The following DGKA variants were observed in gnomAD, a reference collection of about 807,000 sequenced individuals.
DGKA encodes the protein 80 kDa diacylglycerol kinase.
In DGKA, 35 loss-of-function variants were observed where a neutral mutation model predicts 105.0. The ratio of observed to expected loss-of-function variants is 0.33; its 90% CI spans 0.25 to 0.44. The LOEUF (loss-of-function observed/expected upper bound fraction) is 0.44. Among genes scored for constraint, DGKA ranks in the 20% least tolerant of loss-of-function variants. The pLI is 1.00. For missense variants in DGKA, 665 were observed against 915.0 expected (o/e 0.73, Z 3.53); for synonymous variants, 296 against 332.0 (o/e 0.89, Z 1.18).
chr12:55,941,968 T>C, intron 15 of DGKA, 30 bp from the exon 16 acceptor site: 3 of 1,612,194 alleles, frequency 1.9e-6, no homozygotes, highest in Non-Finnish European at 2.5e-6. Context: ...CTGTTATCCT[T>C]CTTCATATTC....
chr12:55,942,548 G>C (rs1886237073), intron 17 of DGKA: 1 of 394,438 alleles, frequency 2.5e-6, no homozygotes, highest in African/African-American at 2.0e-5. Context: ...GGAATATGGG[G>C]GTGGGGAACA....
In DGKA at chr12:55,940,497, C is replaced by G; in HGVS notation, c.918+64C>G. On this transcript the variant is annotated intron_variant, in intron 11 of 23. Coordinates refer to ENST00000331886, the MANE Select transcript of DGKA (RefSeq NM_001345.5). This position sits in a 1 kb window ranked among gnomAD's most constrained non-coding sequence, Gnocchi z 4.3. ...CCGCAGAGCTGCCTTCTCCACGGGC[C>G]TCCGGCCACACCTCCTTTACAGGCA... 1.3e-6 allele frequency: 2 copies of G among 1,597,796 alleles called. No individual in the cohort carries two copies. The highest frequency in any genetic ancestry group is 1.7e-6 in the Non-Finnish European group (2 of 1,171,456).
At chr12:55,929,861 A>T (rs1334332573), upstream of DGKA, 1 of 152,222 alleles carries the variant, frequency 6.6e-6, no homozygotes, top group African/African-American at 2.4e-5. Context: ...TATTCGAGAG[A>T]TAACATTACA....
intron 7 of DGKA, 21 bp downstream of exon 7, chr12:55,939,010 T>C (rs754465796): frequency 6.2e-7 from 1 of 1,614,108 alleles, no homozygotes. Context: ...TCTTCCTTCA[T>C]GTCCCTTCTT....
chr12:55,932,410 T>A lies in DGKA; in HGVS notation c.-82+1066T>A. 1 of 618,294 alleles carries A rather than the reference T, an allele frequency of 1.6e-6. No individual in the cohort carries two copies. The highest frequency in any genetic ancestry group is 2.9e-6 in the Non-Finnish European group (1 of 339,964). The allele number at this position is 618,294 out of a possible 1,614,324, so 38.3% of individuals were successfully genotyped here. On this transcript the variant is annotated intron_variant, in intron 1 of 23. Coordinates refer to ENST00000331886, the MANE Select transcript of DGKA (RefSeq NM_001345.5). The surrounding 1 kb of genome is among the most constrained non-coding windows in gnomAD (Gnocchi z 4.3). ...TCCTGGGACCCGACTCGGAGGGAAG[T>A]CCTCTTCGGAACCTCCACAGTGCCG...
intron 1 of DGKA, chr12:55,935,743 G>A: frequency 2.9e-6 from 1 of 349,942 alleles, no homozygotes; most frequent in Non-Finnish European, 4.0e-6. Flanking sequence ...CCCGCGCCTA[G>A]TTCCCCACCC....
chr12:55,932,739 A>G lies in DGKA; in HGVS notation c.-82+1395A>G, dbSNP rs1883897685. ...CACACACACACACACACACACACAC[A>G]CAACCCCCTCAGCCAGGTGTAGCAC... On this transcript the variant is annotated intron_variant, in intron 1 of 23. Coordinates refer to ENST00000331886, the MANE Select transcript of DGKA (RefSeq NM_001345.5). The surrounding 1 kb of genome is among the most constrained non-coding windows in gnomAD (Gnocchi z 4.3). The G allele has an allele frequency of 1.7e-6, 1 of 575,828 alleles. No homozygotes were observed. The highest frequency in any genetic ancestry group is 3.0e-5 in the East Asian group (1 of 33,242). The allele number at this position is 575,828 out of a possible 1,614,324, so 35.7% of individuals were successfully genotyped here.
chr12:55,932,962 T>C lies in DGKA; in HGVS notation c.-82+1618T>C, dbSNP rs935930061. The stretch of plus-strand genomic sequence containing the variant: ...GGGCTCCTGCCCCTCTGGGGCAGCC[T>C]CAATATTCTGGAGACATAGCTATTT... On this transcript the variant is annotated intron_variant, in intron 1 of 23. Coordinates refer to ENST00000331886, the MANE Select transcript of DGKA (RefSeq NM_001345.5). This position sits in a 1 kb window ranked among gnomAD's most constrained non-coding sequence, Gnocchi z 4.3. 7.0e-5 allele frequency: 14 copies of C among 201,306 alleles called. No homozygotes were observed. The highest frequency in any genetic ancestry group is 3.0e-4 in the African/African-American group (13 of 43,336). The allele number at this position is 201,306 out of a possible 1,614,324, so 12.5% of individuals were successfully genotyped here.
Position 55,938,031 on chromosome 12 carries a change from C to A in DGKA, c.328C>A (p.Arg110=). 6.2e-7 allele frequency: 1 copy of A among 1,613,970 alleles called. No individual in the cohort carries two copies. Among genetic ancestry groups the A allele is most frequent in the Non-Finnish European group, 8.5e-7 (1 of 1,179,974 alleles). ...SCYFSLLEGG[R]PEDKLEFTFK... is the part of the protein sequence containing the mutation. ...CTACTTTTCCCTTCTGGAGGGTGGT[C>A]GGCCAGAAGACAAGTTAGAATGTGA... Residue 110 remains arginine, a synonymous_variant, in exon 5 of 24, where the codon CGG becomes AGG. Transcript: ENST00000331886.
Position 55,953,175 on chromosome 12 carries a change from A to G in DGKA, c.2063+15A>G. Reference sequence around the variant, plus strand: ...ATCACCTTCCAGTAAGGAAGACTCCACCAGGGTCCCTGAGGGAAGGTGTGG... The same window carrying G: ...ATCACCTTCCAGTAAGGAAGACTCCGCCAGGGTCCCTGAGGGAAGGTGTGG... On this transcript the variant is annotated intron_variant, in intron 22 of 23. Coordinates refer to ENST00000331886, the MANE Select transcript of DGKA (RefSeq NM_001345.5). 2 of 1,614,024 alleles carry G rather than the reference A, an allele frequency of 1.2e-6. No individual in the cohort carries two copies. Among genetic ancestry groups the G allele is most frequent in the Non-Finnish European group, 1.7e-6 (2 of 1,179,990 alleles).
Position 55,953,862 on chromosome 12 carries a change from C to T in DGKA, c.*94C>T. The T allele has an allele frequency of 1.8e-6, 2 of 1,114,312 alleles. No individual in the cohort carries two copies. The highest frequency in any genetic ancestry group is 4.0e-5 in the Admixed American group (2 of 49,646). 69.0% of individuals were successfully genotyped at this position (1,114,312 alleles called of 1,614,324 possible). Reference sequence around the variant, plus strand: ...CTCTGTACATTGCTGCCACATACTCCTGCCAGCTTGGGGGAGTGTTCCTTC... The same window carrying T: ...CTCTGTACATTGCTGCCACATACTCTTGCCAGCTTGGGGGAGTGTTCCTTC... On this transcript the variant is annotated 3_prime_UTR_variant, in exon 24 of 24. Transcript: ENST00000331886.
At chr12:55,927,395 C>A (rs1429251669), upstream of DGKA, 6 of 714,564 alleles carry the variant, frequency 8.4e-6, no homozygotes, top group Non-Finnish European at 1.5e-5. Flanking sequence ...CCTCTCATCC[C>A]CAGGAACTCC....
rs1454641375 is a variant in DGKA at position 55,940,524 on chromosome 12, A to G, written c.918+91A>G. On this transcript the variant is annotated intron_variant, in intron 11 of 23. Coordinates refer to ENST00000331886, the MANE Select transcript of DGKA (RefSeq NM_001345.5). This position sits in a 1 kb window ranked among gnomAD's most constrained non-coding sequence, Gnocchi z 4.3. Reference sequence around the variant, plus strand: ...CCGGCCACACCTCCTTTACAGGCACAGTTGCCCCTGCTCCCAAGGGCTCTT... The same window carrying G: ...CCGGCCACACCTCCTTTACAGGCACGGTTGCCCCTGCTCCCAAGGGCTCTT... 3.8e-6 allele frequency: 6 copies of G among 1,579,752 alleles called. No homozygotes were observed. Among genetic ancestry groups the G allele is most frequent in the Non-Finnish European group, 4.3e-6 (5 of 1,162,864 alleles).
chr12:55,936,530 C>T lies in DGKA; in HGVS notation c.27C>T (p.Ser9=). Residue 9 remains serine, a synonymous_variant, in exon 2 of 24, where the codon AGC becomes AGT. Coordinates refer to ENST00000331886, the MANE Select transcript of DGKA (RefSeq NM_001345.5). The part of the protein sequence containing the change: MAKERGLI[S]PSDFAQLQKY... ...TGGCCAAGGAGAGGGGCCTAATAAG[C>T]CCCAGTGATTTTGCCCAGCTGCAAA... 1 of 1,614,108 alleles carries T rather than the reference C, an allele frequency of 6.2e-7. No homozygotes were observed. The highest frequency in any genetic ancestry group is 8.5e-7 in the Non-Finnish European group (1 of 1,180,010).
upstream of DGKA, chr12:55,927,353 C>G (rs1883212481): frequency 1.4e-6 from 1 of 731,810 alleles, no homozygotes; most frequent in Admixed American, 2.0e-5. Flanking sequence ...AAACAGTCCT[C>G]AGGGAGCCAA....
chr12:55,927,887 C>T (rs1046664174), upstream of DGKA: 10 of 1,251,874 alleles, frequency 8.0e-6, no homozygotes, highest in Admixed American at 2.5e-5. Context: ...GACCTCCTAA[C>T]CCTGAGTGCC....
intron 17 of DGKA, among the ~76,000 whole-genome samples, chr12:55,950,442 G>A (rs922375706): frequency 1.3e-5 from 2 of 151,828 alleles, no homozygotes; most frequent in African/African-American, 4.8e-5. Context: ...GAGTAGCTGG[G>A]ACTATAGGTG....
rs1214644522 is a variant in DGKA, at chr12:55,935,932, T to C, written c.-81-491T>C. On this transcript the variant is annotated intron_variant, in intron 1 of 23. Transcript: ENST00000331886. ...TGGCCAGAGGCGGAACAAAATGGGG[T>C]CATGGCCAGGAAGACGCGCTAACGC... is the stretch of plus-strand genomic sequence containing the variant. The C allele has an allele frequency of 8.1e-6, 8 of 985,244 alleles. 1 individual carries two copies. Among genetic ancestry groups the C allele is most frequent in the East Asian group, 2.3e-4 (2 of 8,790 alleles). The allele number at this position is 985,244 out of a possible 1,614,324, so 61.0% of individuals were successfully genotyped here.
Position 55,938,502 on chromosome 12 carries a change from AC to A in DGKA, c.350-5del. ...AAACTGACCCTGGCCCCCCTAAAAC[AC>A]CCCACAGTCACCTTCAAGCTGTACG... On this transcript the variant is annotated splice_polypyrimidine_tract_variant and splice_region_variant and intron_variant, in intron 5 of 23. Coordinates refer to ENST00000331886, the MANE Select transcript of DGKA (RefSeq NM_001345.5). 6.2e-7 allele frequency: 1 copy of A among 1,612,658 alleles called. No individual in the cohort carries two copies. The highest frequency in any genetic ancestry group is 8.5e-7 in the Non-Finnish European group (1 of 1,179,456).
Sources: gnomAD v4.1 joint callset for allele counts (sites outside exome capture counted in the v4.1 genomes callset) on GRCh38, gnomAD v4.1.1 for gene constraint, Gnocchi (gnomAD v3.1) non-coding constraint, MANE v1.5 for transcripts, NCBI Gene and HGNC (gene_info 2026-07-23, HGNC 2026-07-21) for gene names.